Variants in SIAH1 observed in about 807,000 individuals in gnomAD.
SIAH1 encodes the protein E3 ubiquitin-protein ligase SIAH1.
A neutral mutation model predicts 20.0 loss-of-function variants in SIAH1; 2 were observed. The ratio of observed to expected loss-of-function variants is 0.10; its 90% CI spans 0.04 to 0.31. The LOEUF is 0.31. Among genes scored for constraint, SIAH1 ranks in the 10% least tolerant of loss-of-function variants. The pLI is 1.00. For missense variants in SIAH1, 119 were observed against 355.3 expected (o/e 0.33, Z 5.35); for synonymous variants, 118 against 125.3 (o/e 0.94, Z 0.39).
At chr16:48,365,310 C>G (rs1960787285) in intron 1 of SIAH1, 6 of 1,509,380 alleles carry the variant, frequency 4.0e-6, no homozygotes, top group Admixed American at 1.8e-5. Flanking sequence ...CAGCCATTCC[C>G]TAAGCCAGGC....
At chr16:48,381,970 G>A (rs1394557103) in intron 1 of SIAH1, among the ~76,000 whole-genome samples, 4 of 152,098 alleles carry the variant, frequency 2.6e-5, no homozygotes, top group East Asian at 1.9e-4. Flanking sequence ...GGCTACACGC[G>A]AAATCTCTTG....
Position 48,361,489 on chromosome 16 carries a change from GA to G in SIAH1, c.*90del. The G allele has an allele frequency of 7.5e-7, 1 of 1,330,942 alleles. No homozygotes were observed. The allele number at this position is 1,330,942 out of a possible 1,614,324, so 82.4% of individuals were successfully genotyped here. On this transcript the variant is annotated 3_prime_UTR_variant, in exon 2 of 2. Transcript: ENST00000394725. Reference sequence around the variant, plus strand: ...TTCATGTGTCTAGCTTCCACCTACCGAAAGAGTTTTAGGTTGGCAGACAGAT... The same window carrying G: ...TTCATGTGTCTAGCTTCCACCTACCGAAGAGTTTTAGGTTGGCAGACAGAT...
chr16:48,371,554 T>C (rs984692721), intron 1 of SIAH1, among the ~76,000 whole-genome samples: 1 of 152,224 alleles, frequency 6.6e-6, no homozygotes, highest in Non-Finnish European at 1.5e-5. Flanking sequence ...AAAGTATGTA[T>C]CATGGAGAGG....
chr16:48,373,442 A>G (rs1002750384), intron 1 of SIAH1, among the ~76,000 whole-genome samples: 3 of 152,160 alleles, frequency 2.0e-5, no homozygotes, highest in African/African-American at 7.2e-5. Flanking sequence ...AGCGCCTTCG[A>G]GTCAGCCTTG....
intron 1 of SIAH1, chr16:48,364,011 G>A (rs1367028007): frequency 1.4e-5 from 2 of 140,264 alleles, no homozygotes; most frequent in Non-Finnish European, 3.0e-5. Context: ...GTGCAATGGC[G>A]CGATCTCGGC....
intron 1 of SIAH1, chr16:48,365,676 T>C (rs1025899756): frequency 1.8e-5 from 25 of 1,426,860 alleles, no homozygotes; most frequent in Non-Finnish European, 2.1e-5. Context: ...CACACCTCCC[T>C]GTGAGCTCAA....
intron 1 of SIAH1, chr16:48,365,624 C>T: frequency 6.9e-7 from 1 of 1,440,724 alleles, no homozygotes; most frequent in East Asian, 2.5e-5. Context: ...GCACCAGTTA[C>T]AGAGGTGGAG....
rs1358939073 is a variant in SIAH1 at position 48,385,248 on chromosome 16, G to T, written c.-47C>A. Reference sequence around the variant, plus strand: ...CTCGGACCCCGGTCCTGGCACCAACGCGCTCCGTCGCCAACCCCCGCCACC... The same window carrying T: ...CTCGGACCCCGGTCCTGGCACCAACTCGCTCCGTCGCCAACCCCCGCCACC... On this transcript the variant is annotated 5_prime_UTR_variant, in exon 1 of 2. Coordinates refer to ENST00000394725, the MANE Select transcript of SIAH1 (RefSeq NM_003031.4). The T allele has an allele frequency of 3.1e-6, 1 of 322,470 alleles. No homozygotes were observed. Among genetic ancestry groups the T allele is most frequent in the Non-Finnish European group, 6.6e-6 (1 of 152,294 alleles). The allele number at this position is 322,470 out of a possible 1,614,324, so 20.0% of individuals were successfully genotyped here. A position where few individuals can be genotyped will look rare whatever the true frequency, so the allele number is the denominator to read the frequency against.
chr16:48,383,978 T>G (rs534297126), intron 1 of SIAH1, among the ~76,000 whole-genome samples: 1 of 152,336 alleles, frequency 6.6e-6, no homozygotes, highest in African/African-American at 2.4e-5. Context: ...ATCTCATCAA[T>G]TCTCAACAGG....
chr16:48,384,865 G>A (rs1280209604), intron 1 of SIAH1, among the ~76,000 whole-genome samples: 2 of 145,474 alleles, frequency 1.4e-5, no homozygotes, highest in African/African-American at 2.5e-5. Context: ...CCCCGGCCGG[G>A]CCCGCCTCCC....
At chr16:48,378,924 T>C (rs1040569090) in intron 1 of SIAH1, among the ~76,000 whole-genome samples, 1 of 152,206 alleles carries the variant, frequency 6.6e-6, no homozygotes, top group African/African-American at 2.4e-5. Context: ...ACCCCACTGG[T>C]CTCTTCAGCA....
In SIAH1 at chr16:48,362,751, T is replaced by G. The variant is rs1960646051; in HGVS notation, c.-2-321A>C. 1 of 240,100 alleles carries G rather than the reference T, an allele frequency of 4.2e-6. No homozygotes were observed. Among genetic ancestry groups the G allele is most frequent in the Non-Finnish European group, 8.8e-6 (1 of 113,526 alleles). 14.9% of individuals were successfully genotyped at this position (240,100 alleles called of 1,614,324 possible). On this transcript the variant is annotated intron_variant, in intron 1 of 1. Coordinates refer to ENST00000394725, the MANE Select transcript of SIAH1 (RefSeq NM_003031.4). The surrounding 1 kb of genome is among the most constrained non-coding windows in gnomAD (Gnocchi z 4.2). ...ATGGACCATAAACAACTAAAGAAAC[T>G]ATACAAGGAACTGAAGTTTAATCGA...
intron 1 of SIAH1, among the ~76,000 whole-genome samples, chr16:48,368,918 T>C (rs764674836): frequency 2.0e-5 from 3 of 152,230 alleles, no homozygotes; most frequent in Non-Finnish European, 2.9e-5. Context: ...ACTTAAGGCT[T>C]TTCTTGTTCC....
intron 1 of SIAH1, among the ~76,000 whole-genome samples, chr16:48,368,172 A>G (rs1226349503): frequency 6.6e-6 from 1 of 152,226 alleles, no homozygotes; most frequent in Non-Finnish European, 1.5e-5. Flanking sequence ...TTGTAAATGA[A>G]GTTACAAATA....
intron 1 of SIAH1, among the ~76,000 whole-genome samples, chr16:48,371,630 A>T (rs1169656468): frequency 6.6e-6 from 1 of 152,236 alleles, no homozygotes; most frequent in Non-Finnish European, 1.5e-5. Flanking sequence ...TTTTTATTTC[A>T]TACCACACAT....
chr16:48,384,895 C>T (rs1176922415), intron 1 of SIAH1, among the ~76,000 whole-genome samples: 1 of 145,350 alleles, frequency 6.9e-6, no homozygotes, highest in Non-Finnish European at 1.5e-5. Flanking sequence ...GGGGCCGGGC[C>T]GCCGCCGAGG....
At position 48,362,388 on chromosome 16, in the gene SIAH1, G is replaced by C; in HGVS notation, c.41C>G (p.Ser14Trp). 6.2e-7 allele frequency: 1 copy of C among 1,614,140 alleles called. No homozygotes were observed. The highest frequency in any genetic ancestry group is 8.5e-7 in the Non-Finnish European group (1 of 1,179,992). The change falls in exon 2 of 2, where the codon TCG becomes TGG. Residue 14 changes from serine (S) to tryptophan (W), a missense_variant. Physicochemically the swap from Ser to Trp is radical, Grantham distance 177 (BLOSUM62 -3). This residue lies in a region of SIAH1 where 35 missense variants were observed against 47.5 expected (regional missense o/e 0.74). Transcript: ENST00000394725. The surrounding 1 kb of genome is among the most constrained non-coding windows in gnomAD (Gnocchi z 4.2). ...QTATALPTGT[S>W]KCPPSQRVPA... ...CACCCTCTGGGATGGTGGACACTTCGAGGTACCGGTAGGTAATGCTGTAGC... is the reference window on the plus strand; with the variant it reads ...CACCCTCTGGGATGGTGGACACTTCCAGGTACCGGTAGGTAATGCTGTAGC...
At position 48,362,536 on chromosome 16, in the gene SIAH1, T is replaced by C; in HGVS notation, c.-2-106A>G. On this transcript the variant is annotated intron_variant, in intron 1 of 1. Transcript: ENST00000394725. The surrounding 1 kb of genome is among the most constrained non-coding windows in gnomAD (Gnocchi z 4.2). Reference sequence around the variant, plus strand: ...GTCCTTTTAAAGTTTCATACAAAATTTACTGAGCAAAAGAGGAAGAAAAAT... The same window carrying C: ...GTCCTTTTAAAGTTTCATACAAAATCTACTGAGCAAAAGAGGAAGAAAAAT... 8.7e-7 allele frequency: 1 copy of C among 1,155,830 alleles called. No individual in the cohort carries two copies. 71.6% of individuals were successfully genotyped at this position (1,155,830 alleles called of 1,614,324 possible).
chr16:48,369,606 G>A (rs1049165692), intron 1 of SIAH1, among the ~76,000 whole-genome samples: 4 of 152,164 alleles, frequency 2.6e-5, no homozygotes, highest in African/African-American at 9.7e-5. Context: ...AGCTGGGTGT[G>A]GTGGCATCCG....
Sources: allele counts gnomAD v4.1 joint callset (sites outside exome capture counted in the v4.1 genomes callset), GRCh38; gene constraint gnomAD v4.1.1; regional missense constraint gnomAD v4.1.1; non-coding constraint Gnocchi (gnomAD v3.1); transcripts MANE v1.5; gene names NCBI Gene and HGNC (gene_info 2026-07-23, HGNC 2026-07-21).